The following CD36 variants were observed in gnomAD, a reference collection of about 807,000 sequenced individuals.
CD36 encodes the protein CD36 molecule (CD36 blood group).
CD36 carries 119 observed loss-of-function variants against 55.2 expected under a neutral mutation model. The ratio of observed to expected loss-of-function variants is 2.15; its 90% confidence interval spans 1.86 to 2.51. The LOEUF (loss-of-function observed/expected upper bound fraction) is 2.51, where lower values mean the gene tolerates loss of function less well. CD36 is among the 30% of genes most tolerant of loss of function. The probability of loss-of-function intolerance (pLI) is 0.00; values close to 1 mark genes in which losing one functional copy is unlikely to be tolerated. For missense variants in CD36, 819 were observed against 555.5 expected (o/e 1.47, Z -4.77); for synonymous variants, 186 against 193.6 (o/e 0.96, Z 0.33).
At chr7:80,609,584 A>G (rs929115826) in intron 1 of CD36, among the ~76,000 whole-genome samples, 14 of 152,306 alleles carry the variant, frequency 9.2e-5, no homozygotes, top group Admixed American at 3.3e-4. Context: ...TTTTCTCCCA[A>G]TCAGAAGTCC....
intron 8 of CD36, among the ~76,000 whole-genome samples, chr7:80,668,956 T>C (rs1236929153): frequency 6.6e-6 from 1 of 152,204 alleles, no homozygotes; most frequent in South Asian, 2.1e-4. Flanking sequence ...TAGCAAAAAG[T>C]AAATTCAATA....
At chr7:80,632,065 T>C (rs1323328294) in intron 1 of CD36, among the ~76,000 whole-genome samples, 1 of 151,826 alleles carries the variant, frequency 6.6e-6, no homozygotes, top group Non-Finnish European at 1.5e-5. Flanking sequence ...AACTGAAGCT[T>C]GTCCGAGAGC....
chr7:80,666,416 T>C (rs924849660), intron 7 of CD36, 27 bp from the exon 8 acceptor site: 4 of 1,488,124 alleles, frequency 2.7e-6, no homozygotes, highest in Non-Finnish European at 3.8e-6. Context: ...ATAAGAATGT[T>C]TATTCATTGT....
chr7:80,663,855 C>T (rs568572959), intron 6 of CD36, among the ~76,000 whole-genome samples: 1 of 152,180 alleles, frequency 6.6e-6, no homozygotes, highest in African/African-American at 2.4e-5. Context: ...CATTGTTTTA[C>T]TTTTAGATAC....
chr7:80,659,949 A>G (rs147468980), intron 4 of CD36, among the ~76,000 whole-genome samples: 310 of 152,234 alleles, frequency 2.0e-3, no homozygotes, highest in African/African-American at 7.2e-3. Context: ...TGTTTAGTAA[A>G]TACATTTACT....
intron 1 of CD36, chr7:80,625,181 A>G (rs865955419): frequency 3.3e-5 from 5 of 152,146 alleles, no homozygotes; most frequent in Non-Finnish European, 7.4e-5. Context: ...CATGTTTTCC[A>G]TGGTAAGAAT....
upstream of CD36, chr7:80,637,002 A>C (rs1434726205): frequency 1.3e-5 from 2 of 152,120 alleles, no homozygotes; most frequent in Non-Finnish European, 2.9e-5. Flanking sequence ...AATAATACCC[A>C]AGTAAGTTTA....
intron 3 of CD36, among the ~76,000 whole-genome samples, chr7:80,647,606 T>C (rs997887312): frequency 6.6e-6 from 1 of 152,192 alleles, no homozygotes; most frequent in East Asian, 1.9e-4. Flanking sequence ...CGTTGATTGA[T>C]AGGGGGAAGA....
intron 6 of CD36, 45 bp downstream of exon 6, chr7:80,663,214 A>G: frequency 6.8e-7 from 1 of 1,475,904 alleles, no homozygotes; most frequent in Non-Finnish European, 9.5e-7. Context: ...TTTTAATTTA[A>G]TTAATTCAAT....
chr7:80,643,216 G>A (rs934337771), intron 1 of CD36, among the ~76,000 whole-genome samples: 4 of 152,252 alleles, frequency 2.6e-5, no homozygotes, highest in African/African-American at 7.2e-5. Flanking sequence ...AATGATTTGG[G>A]AAAAGGCCAG....
At chr7:80,637,783 G>A (rs1794527955), upstream of CD36, among the ~76,000 whole-genome samples, 1 of 152,026 alleles carries the variant, frequency 6.6e-6, no homozygotes, top group Non-Finnish European at 1.5e-5. Context: ...ATACATGCCA[G>A]GTTAACCCTG....
chr7:80,657,176 G>A (rs1796158877), intron 4 of CD36, among the ~76,000 whole-genome samples: 1 of 152,104 alleles, frequency 6.6e-6, no homozygotes, highest in Non-Finnish European at 1.5e-5. Flanking sequence ...GCATTAACAG[G>A]GAATTGGGAA....
chr7:80,674,517 G>A, intron 14 of CD36: 1 of 247,310 alleles, frequency 4.0e-6, no homozygotes, highest in South Asian at 4.7e-5. Context: ...CAGGATTGCT[G>A]CATGTAGACA....
At chr7:80,638,588 G>C (rs1334512), upstream of CD36, 1 of 144,172 alleles carries the variant, frequency 6.9e-6, no homozygotes, top group Admixed American at 7.0e-5. Context: ...CTCTTTTTTT[G>C]GGGGGGGGAG....
intron 4 of CD36, among the ~76,000 whole-genome samples, chr7:80,658,753 C>T (rs1020898462): frequency 6.6e-6 from 1 of 152,148 alleles, no homozygotes; most frequent in Admixed American, 6.5e-5. Context: ...GCCTTGGCCT[C>T]GCAAAGTGTT....
At chr7:80,610,001 T>C (rs975934940) in intron 1 of CD36, among the ~76,000 whole-genome samples, 1 of 152,104 alleles carries the variant, frequency 6.6e-6, no homozygotes, top group Non-Finnish European at 1.5e-5. Context: ...TGAGCCAAGC[T>C]GTGGGTCTGA....
intron 6 of CD36, among the ~76,000 whole-genome samples, chr7:80,664,171 C>T (rs1236069284): frequency 6.6e-6 from 1 of 152,046 alleles, no homozygotes; most frequent in Non-Finnish European, 1.5e-5. Context: ...TGACAGAGTG[C>T]TAGAGTTCAC....
In CD36 at chr7:80,610,224, A is replaced by G. The variant is rs1348263290; in HGVS notation, c.-184+7845A>G. Among the ~76,000 whole-genome samples, 4 of 152,092 alleles carry G rather than the reference A, an allele frequency of 2.6e-5. No individual in the cohort carries two copies. The East Asian group carries it at 7.7e-4, about 29-fold the overall frequency. Reference sequence around the variant, plus strand: ...ATGCCTTTTTAAAAATTGTTACTATATTGTCATTGTAATTATCATCATCAT... The same window carrying G: ...ATGCCTTTTTAAAAATTGTTACTATGTTGTCATTGTAATTATCATCATCAT... On this transcript the variant is annotated intron_variant, in intron 1 of 13. Transcript: ENST00000309881.
chr7:80,675,367 A>G (rs961365805), intron 14 of CD36, among the ~76,000 whole-genome samples: 1 of 152,318 alleles, frequency 6.6e-6, no homozygotes, highest in South Asian at 2.1e-4. Flanking sequence ...ATGGGAAAGC[A>G]TGCTTAATAA....
Sources: allele counts gnomAD v4.1 joint callset (sites outside exome capture counted in the v4.1 genomes callset), GRCh38; gene constraint gnomAD v4.1.1; transcripts MANE v1.5; gene names NCBI Gene and HGNC (gene_info 2026-07-23, HGNC 2026-07-21).